The following WDR3 variants were observed in gnomAD, a reference collection of about 807,000 sequenced individuals.
WDR3 encodes WD repeat domain 3.
In WDR3, 81 loss-of-function variants were observed where a neutral mutation model predicts 123.7. That is an observed-to-expected ratio of 0.65 (90% CI 0.55 to 0.79). WDR3 has a LOEUF of 0.79. Among genes scored for constraint, WDR3 ranks in the 30% least tolerant of loss-of-function variants. The pLI is 0.00. For missense variants in WDR3, 1,027 were observed against 1,123.2 expected (o/e 0.91, Z 1.22); for synonymous variants, 390 against 388.8 (o/e 1.00, Z -0.04).
At chr1:117,940,579 T>C (rs1651108236) in intron 6 of WDR3, among the ~76,000 whole-genome samples, 1 of 151,990 alleles carries the variant, frequency 6.6e-6, no homozygotes, top group South Asian at 2.1e-4. Flanking sequence ...AATTTAAAAA[T>C]TAGTCAAGCA....
rs1653544013 is a variant in WDR3, at chr1:117,964,407, T to G, written c.*4960T>G. The G allele has an allele frequency of 6.5e-6, 1 of 152,948 alleles. No homozygotes were observed. Among genetic ancestry groups the G allele is most frequent in the South Asian group, 2.1e-4 (1 of 4,862 alleles). 9.5% of individuals were successfully genotyped at this position (152,948 alleles called of 1,614,324 possible). A position where few individuals can be genotyped will look rare whatever the true frequency, so the allele number is the denominator to read the frequency against. ...TTATAAATACAAATGATTTCATTGC[T>G]ATGATCAGCAGCAGTGACTCAGGTA... On this transcript the variant is annotated 3_prime_UTR_variant, in exon 27 of 27. Coordinates refer to ENST00000349139, the MANE Select transcript of WDR3 (RefSeq NM_006784.3).
chr1:117,930,396 G>C (rs111846246), intron 1 of WDR3, among the ~76,000 whole-genome samples: 13 of 152,264 alleles, frequency 8.5e-5, no homozygotes, highest in African/African-American at 3.1e-4. Flanking sequence ...GGAGAACATG[G>C]ATGTTATTCT....
intron 11 of WDR3, among the ~76,000 whole-genome samples, chr1:117,944,699 T>TTTTA (rs1013846261): frequency 3.3e-5 from 5 of 152,258 alleles, no homozygotes; most frequent in East Asian, 1.9e-4. Flanking sequence ...CTTGATTTTC[T>TTTTA]TTTATTTATT....
intron 1 of WDR3, among the ~76,000 whole-genome samples, chr1:117,932,937 G>A (rs1650784772): frequency 6.6e-6 from 1 of 151,378 alleles, no homozygotes; most frequent in African/African-American, 2.4e-5. Context: ...GCTAACACCT[G>A]TAATCCCAGC....
intron 25 of WDR3, 131 bp from the exon 26 acceptor site, chr1:117,958,779 T>C: frequency 1.7e-6 from 1 of 597,556 alleles, no homozygotes; most frequent in Non-Finnish European, 2.7e-6. Flanking sequence ...TTTTTTTTTT[T>C]TTTTGCTCGA....
At position 117,957,106 on chromosome 1, in the gene WDR3, A is replaced by G. The variant is rs765789595; in HGVS notation, c.2492A>G (p.Tyr831Cys). Residue 831 changes from tyrosine (Y) to cysteine (C), a missense_variant, in exon 25 of 27, where the codon TAT becomes TGT. Transcript: ENST00000349139. Reference protein sequence around the residue: ...EESLLVLPFSYVPDILKLFNE... With the variant: ...EESLLVLPFSCVPDILKLFNE... ...TCTCTACTTGTGCTGCCTTTCTCTTATGTCCCAGACATTCTTAAACTCTTT... is the reference window on the plus strand; with the variant it reads ...TCTCTACTTGTGCTGCCTTTCTCTTGTGTCCCAGACATTCTTAAACTCTTT... The G allele has an allele frequency of 1.9e-6, 3 of 1,608,244 alleles. No individual in the cohort carries two copies. The highest frequency in any genetic ancestry group is 8.5e-7 in the Non-Finnish European group (1 of 1,177,688).
rs1653419871 is a variant in WDR3, at chr1:117,963,682, C to T, written c.*4235C>T. The T allele has an allele frequency of 8.5e-6, 8 of 942,594 alleles. No homozygotes were observed. The East Asian group carries it at 2.1e-4, about 25-fold the overall frequency. 58.4% of individuals were successfully genotyped at this position (942,594 alleles called of 1,614,324 possible). A position where few individuals can be genotyped will look rare whatever the true frequency, so the allele number is the denominator to read the frequency against. On this transcript the variant is annotated 3_prime_UTR_variant, in exon 27 of 27. Transcript: ENST00000349139. ...CCCGGCCTAAACAAATATTTTCATT[C>T]ATTCAGGCCAGGTGGCTTATAGGTT... is the stretch of plus-strand genomic sequence containing the variant.
chr1:117,949,439 C>T (rs1651520594), intron 13 of WDR3, among the ~76,000 whole-genome samples: 1 of 152,106 alleles, frequency 6.6e-6, no homozygotes, highest in Non-Finnish European at 1.5e-5. Flanking sequence ...TCTAGATTAT[C>T]CATTCTATGT....
chr1:117,955,506 T>C (rs983082564), intron 24 of WDR3, 148 bp downstream of exon 24: 2 of 744,184 alleles, frequency 2.7e-6, no homozygotes, highest in Non-Finnish European at 4.1e-6. Flanking sequence ...TAATTTATAA[T>C]GTTCTTTTTG....
chr1:117,951,990 A>G lies in WDR3; in HGVS notation c.1818A>G (p.Ile606Met). 1 of 1,613,202 alleles carries G rather than the reference A, an allele frequency of 6.2e-7. No individual in the cohort carries two copies. The highest frequency in any genetic ancestry group is 8.5e-7 in the Non-Finnish European group (1 of 1,179,338). The change falls in exon 17 of 27, where the codon ATA (isoleucine) becomes ATG (methionine). Residue 606 changes from isoleucine (I) to methionine (M), a missense_variant. Ile to Met is a conservative substitution (Grantham distance 10). Coordinates refer to ENST00000349139, the MANE Select transcript of WDR3 (RefSeq NM_006784.3). The stretch of plus-strand genomic sequence containing the variant: ...ATTTCTCATAGGATGGAGCACTCAT[A>G]GCAACTGGCTCCGCTGATAGGAATG... ...CMDISHDGALIATGSADRNVK... is the reference protein window; with the variant it reads ...CMDISHDGALMATGSADRNVK...
intron 3 of WDR3, 123 bp downstream of exon 3, chr1:117,934,805 T>C: frequency 1.1e-6 from 1 of 932,044 alleles, no homozygotes; most frequent in South Asian, 1.7e-5. Flanking sequence ...AGTAGTATAA[T>C]GATAGAGTGA....
intron 16 of WDR3, 34 bp from the exon 17 acceptor site, chr1:117,951,942 A>T: frequency 6.3e-7 from 1 of 1,579,934 alleles, no homozygotes; most frequent in Non-Finnish European, 8.6e-7. Context: ...GGAATTCAAA[A>T]ATCAAGGTAG....
chr1:117,952,742 A>G (rs904941876), intron 19 of WDR3, 80 bp downstream of exon 19: 17 of 1,544,012 alleles, frequency 1.1e-5, no homozygotes, highest in South Asian at 6.2e-5. Context: ...TGTCTAGTGC[A>G]GTTACACCTG....
At position 117,952,529 on chromosome 1, in the gene WDR3, G is replaced by T; in HGVS notation, c.2018G>T (p.Gly673Val). Residue 673 changes from glycine to valine, a missense_variant and splice_region_variant, in exon 19 of 27, where the codon GGT (glycine) becomes GTT (valine). Transcript: ENST00000349139. ...DKFEHIQTLEGHHQEIWCLAV... is the reference protein window; with the variant it reads ...DKFEHIQTLEVHHQEIWCLAV... The stretch of plus-strand genomic sequence containing the variant: ...CTTTATTTTTTTTTTCTCCTCCAGG[G>T]TCATCACCAGGAAATATGGTGTTTG... The T allele has an allele frequency of 1.9e-6, 3 of 1,609,110 alleles. No homozygotes were observed. The highest frequency in any genetic ancestry group is 1.7e-5 in the Admixed American group (1 of 59,184).
intron 24 of WDR3, among the ~76,000 whole-genome samples, chr1:117,956,412 CCTTACAAGAAACAACA>C (rs1271700276): frequency 2.0e-5 from 3 of 152,094 alleles, no homozygotes; most frequent in African/African-American, 7.2e-5. Flanking sequence ...CATATATATT[CCTTACAAGAAACAACA>C]CTTGTCTTAG....
intron 1 of WDR3, among the ~76,000 whole-genome samples, chr1:117,930,874 A>G (rs1183288556): frequency 6.6e-6 from 1 of 152,236 alleles, no homozygotes; most frequent in South Asian, 2.1e-4. Context: ...GCAATTTGCC[A>G]TCTCTGGGTC....
At chr1:117,956,495 T>G (rs976260262) in intron 24 of WDR3, among the ~76,000 whole-genome samples, 3 of 152,188 alleles carry the variant, frequency 2.0e-5, no homozygotes, top group African/African-American at 7.2e-5. Context: ...ATGTGGAGGT[T>G]ACAATACATT....
intron 19 of WDR3, 42 bp downstream of exon 19, chr1:117,952,704 C>T (rs143943892): frequency 1.1e-4 from 173 of 1,600,532 alleles, no homozygotes; most frequent in Non-Finnish European, 1.4e-4. Context: ...CAGTAGGTAT[C>T]TGACAGGCTG....
In WDR3 at chr1:117,966,531, A is replaced by C. The variant is rs1395425905; in HGVS notation, c.*7084A>C. The C allele has an allele frequency of 5.4e-6, 7 of 1,302,402 alleles. No individual in the cohort carries two copies. The highest frequency in any genetic ancestry group is 1.5e-5 in the African/African-American group (1 of 66,950). The allele number at this position is 1,302,402 out of a possible 1,614,324, so 80.7% of individuals were successfully genotyped here. On this transcript the variant is annotated 3_prime_UTR_variant, in exon 27 of 27. Coordinates refer to ENST00000349139, the MANE Select transcript of WDR3 (RefSeq NM_006784.3). Reference sequence around the variant, plus strand: ...GATAGAATTAATAAAGTAGAGATGCATTTTGACTTCCATGTTTTCCTCACT... The same window carrying C: ...GATAGAATTAATAAAGTAGAGATGCCTTTTGACTTCCATGTTTTCCTCACT...
Sources: gnomAD v4.1 joint callset for allele counts (sites outside exome capture counted in the v4.1 genomes callset) on GRCh38, gnomAD v4.1.1 for gene constraint, MANE v1.5 for transcripts, NCBI Gene and HGNC (gene_info 2026-07-23, HGNC 2026-07-21) for gene names.